The following SEC24A variants were observed in gnomAD, a reference collection of about 807,000 sequenced individuals.
The protein encoded by SEC24A is SEC24 homolog A, COPII component, also known as protein transport protein Sec24A.
A neutral mutation model predicts 129.4 loss-of-function variants in SEC24A; 93 were observed. That is an observed-to-expected ratio of 0.72 (90% CI 0.61 to 0.85). The LOEUF (loss-of-function observed/expected upper bound fraction) is 0.85, where lower values mean the gene tolerates loss of function less well. SEC24A is among the 40% of genes least tolerant of loss of function. The pLI is 0.00. For synonymous variants in SEC24A, 460 were observed against 467.3 expected (o/e 0.98, Z 0.20); for missense variants, 1,264 against 1,307.4 (o/e 0.97, Z 0.51).
rs377039031 is a variant in SEC24A at position 134,718,110 on chromosome 5, C to A, written c.2907C>A (p.Pro969=). The part of the protein sequence containing the change: ...NISDRTIPQP[P]ILQLSVEKLS... ...GTGATAGAACCATACCTCAGCCCCC[C>A]ATTCTTCAGCTTTCAGTGGAGAAGC... Residue 969 remains proline, a synonymous_variant, in exon 20 of 23, where the codon CCC becomes CCA. Transcript: ENST00000398844. 2 of 1,614,128 alleles carry A rather than the reference C, an allele frequency of 1.2e-6. No homozygotes were observed. Among genetic ancestry groups the A allele is most frequent in the Non-Finnish European group, 1.7e-6 (2 of 1,179,996 alleles).
rs1473161277 is a variant in SEC24A at position 134,682,497 on chromosome 5, T to C, written c.1491+15T>C. On this transcript the variant is annotated intron_variant, in intron 9 of 22. Transcript: ENST00000398844. ...CAGAATACATGGTAAACTTTTATTT[T>C]TTGATACAGTATACCCATTTTTTAT... The C allele has an allele frequency of 7.6e-7, 1 of 1,316,490 alleles. No homozygotes were observed. Among genetic ancestry groups the C allele is most frequent in the Non-Finnish European group, 1.1e-6 (1 of 912,956 alleles). 81.6% of individuals were successfully genotyped at this position (1,316,490 alleles called of 1,614,324 possible). A position where few individuals can be genotyped will look rare whatever the true frequency, so the allele number is the denominator to read the frequency against.
intron 1 of SEC24A, among the ~76,000 whole-genome samples, chr5:134,658,049 A>G (rs1750308603): frequency 2.6e-5 from 4 of 152,192 alleles, no homozygotes; most frequent in Admixed American, 2.6e-4. Context: ...TGGCCAGATC[A>G]CTTGAGGTCA....
At position 134,661,425 on chromosome 5, in the gene SEC24A, C is replaced by T; in HGVS notation, c.404C>T (p.Pro135Leu). ...SFLPEANLPP[P>L]LNWQYNYPST... The stretch of plus-strand genomic sequence containing the variant: ...CTTCCTGAAGCCAACCTGCCACCAC[C>T]TTTGAATTGGCAATATAACTATCCA... Residue 135 changes from proline to leucine, a missense_variant, in exon 2 of 23, where the codon CCT (proline) becomes CTT (leucine). Pro to Leu is a moderately conservative substitution (Grantham distance 98). Coordinates refer to ENST00000398844, the MANE Select transcript of SEC24A (RefSeq NM_021982.3). The T allele has an allele frequency of 6.2e-7, 1 of 1,614,210 alleles. No homozygotes were observed. Among genetic ancestry groups the T allele is most frequent in the Non-Finnish European group, 8.5e-7 (1 of 1,180,046 alleles).
rs566015788 is a variant in SEC24A, at chr5:134,707,328, T to C, written c.2552-1385T>C. Among the ~76,000 whole-genome samples the C allele has an allele frequency of 3.9e-5, 6 of 151,910 alleles. No homozygotes were observed. In the East Asian group the frequency reaches 1.2e-3, roughly 29 times the overall value. On this transcript the variant is annotated intron_variant, in intron 17 of 22. Coordinates refer to ENST00000398844, the MANE Select transcript of SEC24A (RefSeq NM_021982.3). Reference sequence around the variant, plus strand: ...TTTGAAGATCACTGCCTTTATTTTATTTATTTATTTTTTTTTTTTGAGGTG... The same window carrying C: ...TTTGAAGATCACTGCCTTTATTTTACTTATTTATTTTTTTTTTTTGAGGTG...
At position 134,691,457 on chromosome 5, in the gene SEC24A, G is replaced by A. The variant is rs545374520; in HGVS notation, c.1724-1145G>A. Among the ~76,000 whole-genome samples the A allele has an allele frequency of 8.4e-4, 126 of 149,952 alleles. 1 individual carries two copies. The highest frequency in any genetic ancestry group is 1.9e-3 in the South Asian group (9 of 4,726). On this transcript the variant is annotated intron_variant, in intron 11 of 22. Coordinates refer to ENST00000398844, the MANE Select transcript of SEC24A (RefSeq NM_021982.3). The stretch of plus-strand genomic sequence containing the variant: ...GCTGGGATTACAGGCACGAGCCACC[G>A]CACCCAGCCCATAGTCCCTTTTTAA...
chr5:134,697,788 A>G (rs768448606), intron 14 of SEC24A, 111 bp from the exon 15 acceptor site: 17 of 1,121,642 alleles, frequency 1.5e-5, no homozygotes, highest in Non-Finnish European at 1.9e-5. Context: ...CCTTTCTGAC[A>G]GTAGTTTACC....
In SEC24A at chr5:134,653,723, C is replaced by T. The variant is rs531502029; in HGVS notation, c.97+4550C>T. Among the ~76,000 whole-genome samples the T allele has an allele frequency of 5.9e-5, 9 of 152,010 alleles. No homozygotes were observed. The East Asian group carries it at 1.4e-3, about 23-fold the overall frequency. On this transcript the variant is annotated intron_variant, in intron 1 of 22. Transcript: ENST00000398844. ...CTACAAAGAATTTTTAAAAAATAGG[C>T]ATGGTGCGGGCCCAGTAGTCCCAGC... is the stretch of plus-strand genomic sequence containing the variant.
At chr5:134,665,755 AC>A (rs1368186963) in intron 2 of SEC24A, among the ~76,000 whole-genome samples, 3 of 151,928 alleles carry the variant, frequency 2.0e-5, no homozygotes, top group Non-Finnish European at 2.9e-5. Flanking sequence ...ATGGGGTTTC[AC>A]CATGTTGGCA....
At chr5:134,661,682 A>G (rs1750467268) in intron 2 of SEC24A, 96 bp downstream of exon 2, 1 of 967,028 alleles carries the variant, frequency 1.0e-6, no homozygotes, top group Admixed American at 2.9e-5. Context: ...AACCATATGG[A>G]AAATGTGACT....
chr5:134,716,618 C>T (rs112190500), intron 19 of SEC24A, among the ~76,000 whole-genome samples: 2,010 of 151,114 alleles, frequency 0.013, 45 homozygotes, highest in African/African-American at 0.045. Flanking sequence ...GCCAACATGG[C>T]GAAACCCCAT....
At position 134,652,164 on chromosome 5, in the gene SEC24A, C is replaced by T. The variant is rs188096198; in HGVS notation, c.97+2991C>T. Among the ~76,000 whole-genome samples the T allele has an allele frequency of 4.9e-3, 739 of 152,178 alleles. 8 individuals are homozygous for T. The highest frequency in any genetic ancestry group is 0.016 in the African/African-American group (681 of 41,542). On this transcript the variant is annotated intron_variant, in intron 1 of 22. Transcript: ENST00000398844. ...CTCAAACTCCTGACCTCAGGTGATC[C>T]GCCCGCGTCGGCCTCCCAAAGTGCT...
chr5:134,708,817 C>G lies in SEC24A; in HGVS notation c.2656C>G (p.Gln886Glu), dbSNP rs370881702. 2.0e-5 allele frequency: 33 copies of G among 1,614,114 alleles called. No individual in the cohort carries two copies. The African/African-American group carries it at 4.1e-4, about 20-fold the overall frequency. The change falls in exon 18 of 23, where the codon CAG becomes GAG. Residue 886 changes from glutamine (Q) to glutamate (E), a missense_variant. Physicochemically the swap from Gln to Glu is conservative, Grantham distance 29. Coordinates refer to ENST00000398844, the MANE Select transcript of SEC24A (RefSeq NM_021982.3). ...TTACCGTTCTTCAGTCTTAAGTAACCAGCAGCCTGGACTCATGGTTCCTTT... is the reference window on the plus strand; with the variant it reads ...TTACCGTTCTTCAGTCTTAAGTAACGAGCAGCCTGGACTCATGGTTCCTTT... ...SAYRSSVLSN[Q>E]QPGLMVPFSL...
intron 5 of SEC24A, 33 bp from the exon 6 acceptor site, chr5:134,675,012 A>G: frequency 6.6e-7 from 1 of 1,514,644 alleles, no homozygotes; most frequent in Non-Finnish European, 8.9e-7. Flanking sequence ...ACACTTAATA[A>G]AAGTTACTTA....
At chr5:134,667,070 C>A in intron 3 of SEC24A, 74 bp downstream of exon 3, 1 of 1,263,898 alleles carries the variant, frequency 7.9e-7, no homozygotes. Flanking sequence ...TAGCTGAATT[C>A]TGTGCATTAA....
chr5:134,695,283 G>A (rs1268949043), intron 13 of SEC24A, among the ~76,000 whole-genome samples: 1 of 151,678 alleles, frequency 6.6e-6, no homozygotes, highest in East Asian at 1.9e-4. Flanking sequence ...GAGGTGAGAG[G>A]ATCACTTGAG....
At position 134,657,099 on chromosome 5, in the gene SEC24A, C is replaced by T. The variant is rs1001970404; in HGVS notation, c.98-4020C>T. Among the ~76,000 whole-genome samples, 42 of 151,636 alleles carry T rather than the reference C, an allele frequency of 2.8e-4. 1 individual carries two copies. Among genetic ancestry groups the T allele is most frequent in the Admixed American group, 1.5e-3 (23 of 15,176 alleles). On this transcript the variant is annotated intron_variant, in intron 1 of 22. Transcript: ENST00000398844. ...TACTCAAGAGGGGAGGTGGGAGGAT[C>T]GCTTGAGCTTGGGAGGTCGAGGCTG...
intron 14 of SEC24A, 82 bp downstream of exon 14, chr5:134,697,328 C>T (rs1751860068): frequency 1.7e-6 from 2 of 1,184,164 alleles, no homozygotes; most frequent in Non-Finnish European, 2.4e-6. Flanking sequence ...AAATATAGAA[C>T]AAAGTTAAAG....
In SEC24A at chr5:134,693,863, C is replaced by T; in HGVS notation, c.1916C>T (p.Thr639Ile). 10 of 1,614,114 alleles carry T rather than the reference C, an allele frequency of 6.2e-6. No individual in the cohort carries two copies. Among genetic ancestry groups the T allele is most frequent in the Non-Finnish European group, 8.5e-6 (10 of 1,180,028 alleles). The part of the protein sequence containing the change: ...PTGGRMSVFQ[T>I]QLPTLGVGAL... The stretch of plus-strand genomic sequence containing the variant: ...GGTGGTCGAATGTCTGTCTTTCAAA[C>T]ACAACTCCCAACTCTTGGAGTGGGA... The change falls in exon 13 of 23, where the codon ACA becomes ATA. Residue 639 changes from threonine to isoleucine, a missense_variant. Thr to Ile is a moderately conservative substitution (Grantham distance 89, BLOSUM62 -1). Transcript: ENST00000398844.
rs764489420 is a variant in SEC24A at position 134,705,070 on chromosome 5, T to TTATATATA, written c.2441-243_2441-236dup. On this transcript the variant is annotated intron_variant, in intron 16 of 22. Coordinates refer to ENST00000398844, the MANE Select transcript of SEC24A (RefSeq NM_021982.3). ...GAAAAGAAGTTATTTATATTTATAT[T>TTATATATA]TATATATATATATATATATATTTTT... is the stretch of plus-strand genomic sequence containing the variant. Among the ~76,000 whole-genome samples the TTATATATA allele has an allele frequency of 5.3e-4, 70 of 133,328 alleles. 1 individual carries two copies. Among genetic ancestry groups the TTATATATA allele is most frequent in the African/African-American group, 1.9e-3 (69 of 35,490 alleles). The allele number at this position is 133,328 out of a possible 152,430, so 87.5% of individuals were successfully genotyped here.
Sources: gnomAD v4.1 joint callset for allele counts (sites outside exome capture counted in the v4.1 genomes callset) on GRCh38, gnomAD v4.1.1 for gene constraint, MANE v1.5 for transcripts, NCBI Gene and HGNC (gene_info 2026-07-23, HGNC 2026-07-21) for gene names.